The following TPD52 variants were observed in gnomAD, a reference collection of about 807,000 sequenced individuals.
The protein encoded by TPD52 is tumor protein D52.
A neutral mutation model predicts 31.3 loss-of-function variants in TPD52; 17 were observed. The ratio of observed to expected loss-of-function variants is 0.54; its 90% CI spans 0.37 to 0.82. The LOEUF (loss-of-function observed/expected upper bound fraction) is 0.82, where lower values mean the gene tolerates loss of function less well. Among genes scored for constraint, TPD52 ranks in the 40% least tolerant of loss-of-function variants. The pLI, the probability that TPD52 is intolerant of heterozygous loss-of-function variation, is 0.00. For missense variants in TPD52, 212 were observed against 240.1 expected (o/e 0.88, Z 0.77); for synonymous variants, 83 against 89.6 (o/e 0.93, Z 0.42).
intron 1 of TPD52, among the ~76,000 whole-genome samples, chr8:80,108,233 C>T (rs1289439556): frequency 1.3e-5 from 2 of 152,140 alleles, no homozygotes; most frequent in Non-Finnish European, 2.9e-5. Flanking sequence ...CTTTCAATGG[C>T]TAACTCTGTT....
At chr8:80,136,917 T>C (rs1809475325) in intron 1 of TPD52, among the ~76,000 whole-genome samples, 1 of 152,216 alleles carries the variant, frequency 6.6e-6, no homozygotes, top group Non-Finnish European at 1.5e-5. Context: ...GCCCCAAAAT[T>C]CTTCTCCTAG....
chr8:80,079,433 A>G (rs757896958), intron 1 of TPD52, among the ~76,000 whole-genome samples: 5 of 152,224 alleles, frequency 3.3e-5, no homozygotes, highest in Admixed American at 6.5e-5. Context: ...ACACATCCCT[A>G]CTGTCGGCAA....
intron 1 of TPD52, among the ~76,000 whole-genome samples, chr8:80,084,983 A>G (rs1367307946): frequency 2.0e-5 from 3 of 152,254 alleles, no homozygotes; most frequent in Non-Finnish European, 4.4e-5. Context: ...ATAGAAAAAT[A>G]TGGAAACACT....
At chr8:80,054,183 T>C in intron 2 of TPD52, among the ~76,000 whole-genome samples, 1 of 152,130 alleles carries the variant, frequency 6.6e-6, no homozygotes, top group South Asian at 2.1e-4. Flanking sequence ...AGGAATCTAG[T>C]TTGAGAAGTG....
intron 1 of TPD52, 28 bp downstream of exon 1, chr8:80,171,373 TCCAAGCCCGAGTCCAAGCCCGAGC>T (rs1812085188): frequency 3.4e-6 from 2 of 584,292 alleles, no homozygotes; most frequent in Admixed American, 7.7e-5. Flanking sequence ...AAAGCCCGAG[TCCAAGCCCGAGTCCAAGCCCGAGC>T]CCAAGCCCGC....
At chr8:80,161,728 A>AT (rs1323023025) in intron 1 of TPD52, among the ~76,000 whole-genome samples, 4 of 122,068 alleles carry the variant, frequency 3.3e-5, no homozygotes, top group African/African-American at 1.7e-4. Context: ...ATATATATAT[A>AT]TATATTTTTT....
At chr8:80,171,301 C>T in intron 1 of TPD52, 124 bp downstream of exon 1, 2 of 1,289,300 alleles carry the variant, frequency 1.6e-6, no homozygotes, top group Non-Finnish European at 2.2e-6. Flanking sequence ...ACTTGCGGCG[C>T]CGGCCCAGGA....
intron 6 of TPD52, among the ~76,000 whole-genome samples, chr8:80,043,084 T>C (rs571892309): frequency 5.1e-4 from 78 of 152,314 alleles, no homozygotes; most frequent in Middle Eastern, 6.8e-3. Context: ...ACATCTTCCC[T>C]GGCAGAATTT....
rs55940002 is a variant in TPD52 at position 80,072,392 on chromosome 8, T to C, written c.20-7799A>G. On this transcript the variant is annotated intron_variant, in intron 1 of 7. Coordinates refer to ENST00000518937, the MANE Select transcript of TPD52 (RefSeq NM_001025253.3). ...ACACATAGATATGCGTGTATATACA[T>C]GTACACATAGATATGCGTGTATATA... Among the ~76,000 whole-genome samples, 775 of 140,120 alleles carry C rather than the reference T, an allele frequency of 5.5e-3. 54 individuals are homozygous for C. The highest frequency in any genetic ancestry group is 0.023 in the African/African-American group (747 of 31,848). 91.9% of individuals were successfully genotyped at this position (140,120 alleles called of 152,430 possible).
At chr8:80,094,479 T>C (rs1286678724) in intron 1 of TPD52, among the ~76,000 whole-genome samples, 18 of 104,792 alleles carry the variant, frequency 1.7e-4, no homozygotes, top group Non-Finnish European at 3.1e-4. Context: ...TATATATATA[T>C]ATATATGTAT....
chr8:80,103,965 C>T (rs1216880969), intron 1 of TPD52, among the ~76,000 whole-genome samples: 1 of 152,208 alleles, frequency 6.6e-6, no homozygotes, highest in Non-Finnish European at 1.5e-5. Context: ...ATTGCTTGAA[C>T]CCCAAAAGCT....
At chr8:80,117,180 T>C (rs1807924018) in intron 1 of TPD52, among the ~76,000 whole-genome samples, 1 of 152,178 alleles carries the variant, frequency 6.6e-6, no homozygotes. Flanking sequence ...CTAAAAGGCA[T>C]CCGTTTTGGA....
At chr8:80,063,002 A>T (rs1028012858) in intron 2 of TPD52, among the ~76,000 whole-genome samples, 5 of 152,162 alleles carry the variant, frequency 3.3e-5, no homozygotes, top group Non-Finnish European at 5.9e-5. Flanking sequence ...ATTTTAAAAC[A>T]TTAAACATGG....
At chr8:80,152,552 A>G (rs996564665) in intron 1 of TPD52, among the ~76,000 whole-genome samples, 1 of 152,248 alleles carries the variant, frequency 6.6e-6, no homozygotes, top group East Asian at 1.9e-4. Context: ...AGGCCAAGGC[A>G]GGTAGATCAC....
intron 1 of TPD52, among the ~76,000 whole-genome samples, chr8:80,119,534 G>T (rs138529412): frequency 2.6e-5 from 4 of 151,974 alleles, no homozygotes; most frequent in African/African-American, 7.2e-5. Context: ...AGTTTTCTGG[G>T]GGAAAAAAAG....
intron 1 of TPD52, among the ~76,000 whole-genome samples, chr8:80,165,816 AT>A (rs1196497607): frequency 6.6e-6 from 1 of 152,158 alleles, no homozygotes; most frequent in African/African-American, 2.4e-5. Context: ...ACTAAATAAA[AT>A]TTGCATGCTT....
chr8:80,159,607 C>A (rs1012070865), intron 1 of TPD52, among the ~76,000 whole-genome samples: 3 of 152,140 alleles, frequency 2.0e-5, no homozygotes, highest in African/African-American at 7.2e-5. Flanking sequence ...TCATTTGTAA[C>A]GTAGGGATAC....
chr8:80,092,471 A>G (rs796740732), intron 1 of TPD52, among the ~76,000 whole-genome samples: 15 of 152,344 alleles, frequency 9.8e-5, no homozygotes, highest in African/African-American at 3.6e-4. Context: ...GGATATTTGC[A>G]CGTGCGCGTT....
chr8:80,052,317 T>A (rs1213799753), intron 3 of TPD52, among the ~76,000 whole-genome samples: 1 of 152,110 alleles, frequency 6.6e-6, no homozygotes, highest in Admixed American at 6.5e-5. Context: ...AAAAAAATGA[T>A]GACAACAACA....
Sources: gnomAD v4.1 joint callset for allele counts (sites outside exome capture counted in the v4.1 genomes callset) on GRCh38, gnomAD v4.1.1 for gene constraint, MANE v1.5 for transcripts, NCBI Gene and HGNC (gene_info 2026-07-23, HGNC 2026-07-21) for gene names.